Variants in ANXA8 observed in about 807,000 individuals in gnomAD.
ANXA8 encodes VAC-beta.
In ANXA8, 9 loss-of-function variants were observed where a neutral mutation model predicts 26.8. The ratio of observed to expected loss-of-function variants is 0.34; its 90% confidence interval spans 0.20 to 0.59. The LOEUF (loss-of-function observed/expected upper bound fraction) is 0.59. Ranked by LOEUF, ANXA8 falls within the 20% of genes least tolerant of loss-of-function variation. The pLI is 0.84. For missense variants in ANXA8, 83 were observed against 238.5 expected (o/e 0.35, Z 4.29); for synonymous variants, 39 against 94.8 (o/e 0.41, Z 3.42).
At chr10:47,733,205 C>CTT in the ANXA8 span, among the ~76,000 whole-genome samples, 10 of 78,754 alleles carry the variant, frequency 1.3e-4, no homozygotes, top group Admixed American at 3.0e-4. Flanking sequence ...TTCTTTCTTT[C>CTT]TTTCTTTCTT....
At chr10:47,544,182 C>T in the ANXA8 span, among the ~76,000 whole-genome samples, 3 of 151,924 alleles carry the variant, frequency 2.0e-5, no homozygotes, top group Non-Finnish European at 2.9e-5. Context: ...TCCAAGTCCT[C>T]CCATTTTCCT....
At chr10:47,734,978 C>A in the ANXA8 span, among the ~76,000 whole-genome samples, 1 of 122,166 alleles carries the variant, frequency 8.2e-6, no homozygotes, top group Admixed American at 8.0e-5. Flanking sequence ...GAGATCACGC[C>A]AGTTCAACTC....
At chr10:47,492,318 G>A in the ANXA8 span, among the ~76,000 whole-genome samples, 199 of 143,816 alleles carry the variant, frequency 1.4e-3, no homozygotes, top group South Asian at 3.9e-3. Flanking sequence ...ACCTGGTGTC[G>A]CTCAGCTGAT....
the ANXA8 span, among the ~76,000 whole-genome samples, chr10:47,694,636 G>C: frequency 6.6e-6 from 1 of 151,712 alleles, no homozygotes; most frequent in Non-Finnish European, 1.5e-5. Context: ...GGCCGGGCTG[G>C]TCTCGAACTC....
At chr10:47,519,148 C>T in the ANXA8 span, among the ~76,000 whole-genome samples, 6 of 137,228 alleles carry the variant, frequency 4.4e-5, 2 homozygotes, top group Admixed American at 3.0e-4. Flanking sequence ...TGGTAATAAG[C>T]AAATTCTCAT....
At chr10:47,951,845 C>G in the ANXA8 span, among the ~76,000 whole-genome samples, 1 of 135,246 alleles carries the variant, frequency 7.4e-6, no homozygotes, top group Admixed American at 7.4e-5. Context: ...AAGGAATATA[C>G]ATGCAAACAT....
the ANXA8 span, among the ~76,000 whole-genome samples, chr10:47,982,957 T>C: frequency 1.7e-5 from 2 of 117,682 alleles, no homozygotes; most frequent in Middle Eastern, 3.8e-3. Context: ...AAAGAAGATA[T>C]ACTCATGATC....
chr10:47,748,629 C>T, the ANXA8 span, among the ~76,000 whole-genome samples: 8 of 152,202 alleles, frequency 5.3e-5, no homozygotes, highest in African/African-American at 1.9e-4. Flanking sequence ...CCCCTCCCTC[C>T]CTCTCTCCTC....
the ANXA8 span, among the ~76,000 whole-genome samples, chr10:47,989,447 G>A: frequency 5.6e-5 from 7 of 124,272 alleles, 2 homozygotes; most frequent in Non-Finnish European, 1.3e-4. Flanking sequence ...CAGCTCCCGG[G>A]CTGGTTCTGA....
chr10:47,648,539 G>A, the ANXA8 span, among the ~76,000 whole-genome samples: 1 of 140,008 alleles, frequency 7.1e-6, no homozygotes, highest in Non-Finnish European at 1.5e-5. Flanking sequence ...ATCATCATGG[G>A]CAGTGGTCAT....
At chr10:47,580,421 C>G in the ANXA8 span, among the ~76,000 whole-genome samples, 1 of 151,512 alleles carries the variant, frequency 6.6e-6, no homozygotes, top group South Asian at 2.1e-4. Context: ...AAACAATTCT[C>G]AATACATTTT....
At chr10:47,951,229 A>G in the ANXA8 span, among the ~76,000 whole-genome samples, 2 of 150,550 alleles carry the variant, frequency 1.3e-5, no homozygotes, top group African/African-American at 4.9e-5. Flanking sequence ...AAATTACTAA[A>G]GCCCAGTGAA....
chr10:47,589,355 C>G, the ANXA8 span: 1 of 146,874 alleles, frequency 6.8e-6, no homozygotes, highest in Non-Finnish European at 1.5e-5. Context: ...CTGCTTCAAG[C>G]TCTTTACTTG....
At chr10:47,975,001 T>C in the ANXA8 span, among the ~76,000 whole-genome samples, 1 of 149,882 alleles carries the variant, frequency 6.7e-6, no homozygotes, top group South Asian at 2.1e-4. Flanking sequence ...CCACATCACT[T>C]GGCATCAGGC....
chr10:47,487,251 G>A (rs1284865521), upstream of ANXA8: 6 of 1,254,160 alleles, frequency 4.8e-6, no homozygotes, highest in Non-Finnish European at 6.6e-6. Context: ...TGAGACTGGG[G>A]AAGGGCCGTG....
chr10:47,947,496 A>T, the ANXA8 span, among the ~76,000 whole-genome samples: 1 of 149,140 alleles, frequency 6.7e-6, no homozygotes, highest in South Asian at 2.1e-4. Context: ...CTATGTCCCT[A>T]CCCAAATCTC....
the ANXA8 span, among the ~76,000 whole-genome samples, chr10:47,982,812 A>ATATATATATATATATATG: frequency 3.4e-5 from 2 of 58,272 alleles, no homozygotes; most frequent in African/African-American, 1.2e-4. Context: ...ATATATATAT[A>ATATATATATATATATATG]TATATATATA....
chr10:47,507,984 AC>A, the ANXA8 span, among the ~76,000 whole-genome samples: 2 of 110,780 alleles, frequency 1.8e-5, no homozygotes, highest in Non-Finnish European at 3.7e-5. Context: ...AACCTCCACC[AC>A]CCAGGTTCAA....
chr10:47,608,039 G>A, the ANXA8 span, among the ~76,000 whole-genome samples: 49 of 141,880 alleles, frequency 3.5e-4, no homozygotes, highest in African/African-American at 9.4e-4. Context: ...TAAATATAGG[G>A]GAGAAGGTCT....
Sources: allele counts gnomAD v4.1 joint callset (sites outside exome capture counted in the v4.1 genomes callset), GRCh38; gene constraint gnomAD v4.1.1; transcripts MANE v1.5; gene names NCBI Gene and HGNC (gene_info 2026-07-23, HGNC 2026-07-21).